The following USP31 variants were observed in gnomAD, a reference collection of about 807,000 sequenced individuals.
USP31 encodes ubiquitin carboxyl-terminal hydrolase 31.
A neutral mutation model predicts 119.4 loss-of-function variants in USP31; 44 were observed. The ratio of observed to expected loss-of-function variants is 0.37; its 90% CI spans 0.29 to 0.47. The LOEUF (loss-of-function observed/expected upper bound fraction) is 0.47, where lower values mean the gene tolerates loss of function less well. USP31 is among the 20% of genes least tolerant of loss of function. The probability of loss-of-function intolerance (pLI) is 0.99; values close to 1 mark genes in which losing one functional copy is unlikely to be tolerated. For synonymous variants in USP31, 749 were observed against 705.6 expected (o/e 1.06, Z -0.97); for missense variants, 1,643 against 1,730.2 (o/e 0.95, Z 0.89).
rs1468984751 is a variant in USP31 at position 23,065,322 on chromosome 16, T to C, written c.*2724A>G. 9.2e-6 allele frequency: 1 copy of C among 108,862 alleles called. No homozygotes were observed. The highest frequency in any genetic ancestry group is 2.0e-5 in the Non-Finnish European group (1 of 51,052). 6.7% of individuals were successfully genotyped at this position (108,862 alleles called of 1,614,324 possible). ...TTGTGCTAAATATTGCTGGGAAAAT[T>C]AAAAAAAAAAAAAAAAAGAAAAGAA... On this transcript the variant is annotated 3_prime_UTR_variant, in exon 16 of 16. Coordinates refer to ENST00000219689, the MANE Select transcript of USP31 (RefSeq NM_020718.4).
intron 2 of USP31, among the ~76,000 whole-genome samples, chr16:23,107,009 G>A (rs1329915106): frequency 6.6e-6 from 1 of 151,976 alleles, no homozygotes; most frequent in African/African-American, 2.4e-5. Context: ...CTACTCAGGA[G>A]GCTGAGGTAG....
At chr16:23,070,921 G>A (rs1054421034) in intron 15 of USP31, among the ~76,000 whole-genome samples, 2 of 152,168 alleles carry the variant, frequency 1.3e-5, no homozygotes, top group African/African-American at 4.8e-5. Flanking sequence ...TGCTTAAAAG[G>A]ATACTGATTT....
Position 23,139,084 on chromosome 16 carries a change from C to CCATAAGAAACA in USP31, c.633+9553_633+9554insTGTTTCTTATG, listed in dbSNP as rs562181154. Among the ~76,000 whole-genome samples the CCATAAGAAACA allele has an allele frequency of 4.0e-3, 609 of 152,196 alleles. 6 individuals carry two copies. Among genetic ancestry groups the CCATAAGAAACA allele is most frequent in the African/African-American group, 0.013 (553 of 41,542 alleles). Reference sequence around the variant, plus strand: ...TATATCCTGTCTGCAAAATACCAACCTGATTTGTTTCTTAATGGGCATAAA... The same window carrying CCATAAGAAACA: ...TATATCCTGTCTGCAAAATACCAACCCATAAGAAACATGATTTGTTTCTTAATGGGCATAAA... On this transcript the variant is annotated intron_variant, in intron 1 of 15. Coordinates refer to ENST00000219689, the MANE Select transcript of USP31 (RefSeq NM_020718.4).
chr16:23,068,312 T>C lies in USP31; in HGVS notation c.3793A>G (p.Asn1265Asp), dbSNP rs1900175636. ...CTCTCTGCCTCGTCGTCCCCGGTGT[T>C]CTTACAGACAGACTTAACAGAGCTC... ...GGSSVKSVCK[N>D]TGDDEAERGH... is the part of the protein sequence containing the mutation. Residue 1265 changes from asparagine to aspartate, a missense_variant, in exon 16 of 16, where the codon AAC (asparagine) becomes GAC (aspartate). Asn to Asp is a conservative substitution (Grantham distance 23, BLOSUM62 1). Around this residue, in one of 5 missense-constraint regions of USP31, gnomAD observed 699 missense variants for 650.9 expected, o/e 1.07. Transcript: ENST00000219689. The C allele has an allele frequency of 6.2e-7, 1 of 1,613,908 alleles. No individual in the cohort carries two copies. Among genetic ancestry groups the C allele is most frequent in the Admixed American group, 1.7e-5 (1 of 60,004 alleles).
At position 23,068,856 on chromosome 16, in the gene USP31, G is replaced by A; in HGVS notation, c.3249C>T (p.Gly1083=). Residue 1083 remains glycine (G), a synonymous_variant, in exon 16 of 16, where the codon GGC becomes GGT. Coordinates refer to ENST00000219689, the MANE Select transcript of USP31 (RefSeq NM_020718.4). ...SRSKADSSSR[G]SGRHSSPAPA... The stretch of plus-strand genomic sequence containing the variant: ...GGGCAGGGGATGAATGCCGTCCACT[G>A]CCCCTGGAAGAAGAATCTGCTTTGC... 6.3e-7 allele frequency: 1 copy of A among 1,577,504 alleles called. No individual in the cohort carries two copies. Among genetic ancestry groups the A allele is most frequent in the Non-Finnish European group, 8.6e-7 (1 of 1,163,360 alleles).
At chr16:23,129,040 T>C (rs947338740) in intron 1 of USP31, among the ~76,000 whole-genome samples, 2 of 152,380 alleles carry the variant, frequency 1.3e-5, no homozygotes, top group Admixed American at 6.5e-5. Context: ...AATTTTTTAA[T>C]GGGGCTGGTC....
chr16:23,126,540 T>C (rs1030832875), intron 1 of USP31, among the ~76,000 whole-genome samples: 14 of 149,004 alleles, frequency 9.4e-5, no homozygotes, highest in Admixed American at 3.3e-4. Context: ...GGCAGGAGAA[T>C]GGTGTGAACC....
intron 1 of USP31, among the ~76,000 whole-genome samples, chr16:23,127,293 G>T (rs2141892860): frequency 6.6e-6 from 1 of 151,600 alleles, no homozygotes; most frequent in Admixed American, 6.6e-5. Flanking sequence ...TGGGCATGGT[G>T]GTGAGCACCT....
At chr16:23,095,132 C>T (rs929325406) in intron 6 of USP31, among the ~76,000 whole-genome samples, 1 of 152,026 alleles carries the variant, frequency 6.6e-6, no homozygotes, top group African/African-American at 2.4e-5. Context: ...CTAGAATAAA[C>T]AGTGAAGAGA....
chr16:23,126,372 C>T (rs1458155747), intron 1 of USP31, among the ~76,000 whole-genome samples: 1 of 149,592 alleles, frequency 6.7e-6, no homozygotes, highest in East Asian at 2.0e-4. Flanking sequence ...CGCCTGTAAT[C>T]CCAGCACTTT....
chr16:23,076,248 C>T (rs1900565746), intron 13 of USP31, among the ~76,000 whole-genome samples: 2 of 149,054 alleles, frequency 1.3e-5, no homozygotes. Flanking sequence ...AACCAACCTG[C>T]ACATCCTGAA....
rs1226482924 is a variant in USP31 at position 23,067,971 on chromosome 16, G to A, written c.*75C>T. Reference sequence around the variant, plus strand: ...AAAAAAGTACAAAACAAAAGCACAGGAGGCTTTGGTGGGAGGGCAGGGGTT... The same window carrying A: ...AAAAAAGTACAAAACAAAAGCACAGAAGGCTTTGGTGGGAGGGCAGGGGTT... On this transcript the variant is annotated 3_prime_UTR_variant, in exon 16 of 16. Transcript: ENST00000219689. The A allele has an allele frequency of 3.8e-5, 57 of 1,515,438 alleles. No homozygotes were observed. The highest frequency in any genetic ancestry group is 3.5e-5 in the Non-Finnish European group (40 of 1,135,986). The allele number at this position is 1,515,438 out of a possible 1,614,324, so 93.9% of individuals were successfully genotyped here.
chr16:23,119,246 A>G (rs968412531), intron 1 of USP31, among the ~76,000 whole-genome samples: 3 of 151,464 alleles, frequency 2.0e-5, no homozygotes, highest in Non-Finnish European at 2.9e-5. Flanking sequence ...TTACAGGCGC[A>G]TATCACCATG....
chr16:23,147,961 G>C (rs1903572709), intron 1 of USP31, among the ~76,000 whole-genome samples: 1 of 152,102 alleles, frequency 6.6e-6, no homozygotes, highest in Non-Finnish European at 1.5e-5. Context: ...AAAGTAGCCT[G>C]TCAGCACATC....
rs371536399 is a variant in USP31, at chr16:23,069,284, G to A, written c.2821C>T (p.Pro941Ser). The A allele has an allele frequency of 3.4e-5, 55 of 1,612,062 alleles. No homozygotes were observed. Among genetic ancestry groups the A allele is most frequent in the Non-Finnish European group, 4.4e-5 (52 of 1,179,068 alleles). ...AACACGCCTTCCATGACAGCCAGAGGGGCCCGGCCCACAGCCTTGTGCTCA... is the reference window on the plus strand; with the variant it reads ...AACACGCCTTCCATGACAGCCAGAGAGGCCCGGCCCACAGCCTTGTGCTCA... ...RREHKAVGRA[P>S]LAVMEGVFKD... is the part of the protein sequence containing the mutation. Residue 941 changes from proline to serine, a missense_variant, in exon 16 of 16, where the codon CCT becomes TCT. Coordinates refer to ENST00000219689, the MANE Select transcript of USP31 (RefSeq NM_020718.4).
chr16:23,131,182 C>A lies in USP31; in HGVS notation c.633+17456G>T, dbSNP rs563286981. Among the ~76,000 whole-genome samples, 13 of 152,224 alleles carry A rather than the reference C, an allele frequency of 8.5e-5. 1 individual carries two copies. Among genetic ancestry groups the A allele is most frequent in the African/African-American group, 2.9e-4 (12 of 41,550 alleles). ...ATCCAGGCATGGTAGTGTGCACCTGCAGTTCTAGCTATTCGGGAGGATGAG... is the reference window on the plus strand; with the variant it reads ...ATCCAGGCATGGTAGTGTGCACCTGAAGTTCTAGCTATTCGGGAGGATGAG... On this transcript the variant is annotated intron_variant, in intron 1 of 15. Coordinates refer to ENST00000219689, the MANE Select transcript of USP31 (RefSeq NM_020718.4).
chr16:23,093,784 C>G (rs1901476779), intron 6 of USP31, among the ~76,000 whole-genome samples: 1 of 152,152 alleles, frequency 6.6e-6, no homozygotes, highest in African/African-American at 2.4e-5. Context: ...AAAACAAATG[C>G]CCATCAATAG....
At position 23,114,467 on chromosome 16, in the gene USP31, AAAG is replaced by A. The variant is rs1175595607; in HGVS notation, c.634-6287_634-6285del. On this transcript the variant is annotated intron_variant, in intron 1 of 15. Transcript: ENST00000219689. ...GAAAAAATAGGAAAAAAAAAAAAAA[AAAG>A]AAAGTTTCAACATAGACATTCCAAA... 2.0e-5 allele frequency among the ~76,000 whole-genome samples: 3 copies of A among 152,114 alleles called. No individual in the cohort carries two copies. The East Asian group carries it at 5.8e-4, about 29-fold the overall frequency.
intron 6 of USP31, among the ~76,000 whole-genome samples, chr16:23,101,981 A>T (rs1213978000): frequency 6.8e-6 from 1 of 147,102 alleles, no homozygotes; most frequent in Non-Finnish European, 1.5e-5. Flanking sequence ...AAAAAAAAAA[A>T]AAAAAAAAAA....
Sources: gnomAD v4.1 joint callset for allele counts (sites outside exome capture counted in the v4.1 genomes callset) on GRCh38, gnomAD v4.1.1 for gene constraint, gnomAD v4.1.1 regional missense constraint, MANE v1.5 for transcripts, NCBI Gene and HGNC (gene_info 2026-07-23, HGNC 2026-07-21) for gene names.